Variants in TUSC3 observed in about 807,000 individuals in gnomAD.
TUSC3 encodes the protein tumor suppressor candidate 3.
In TUSC3, 45 loss-of-function variants were observed where a neutral mutation model predicts 44.8. The observed-to-expected ratio is 1.00, with a 90% confidence interval of 0.79 to 1.29. The LOEUF (loss-of-function observed/expected upper bound fraction) is 1.29. TUSC3 is among the 50% of genes most tolerant of loss of function. TUSC3 has a pLI of 0.00. For synonymous variants in TUSC3, 212 were observed against 152.9 expected (o/e 1.39, Z -2.85); for missense variants, 519 against 437.9 (o/e 1.19, Z -1.65).
intron 6 of TUSC3, among the ~76,000 whole-genome samples, chr8:15,717,093 G>A (rs772570015): frequency 1.4e-4 from 21 of 151,988 alleles, no homozygotes; most frequent in African/African-American, 4.3e-4. Flanking sequence ...CTGGACTTAC[G>A]ACTTGAAAAC....
intron 1 of TUSC3, among the ~76,000 whole-genome samples, chr8:15,598,965 G>A (rs946486372): frequency 2.0e-5 from 3 of 151,684 alleles, no homozygotes; most frequent in African/African-American, 7.3e-5. Context: ...CCCAAGGAAT[G>A]CATTTGCTGG....
intron 6 of TUSC3, among the ~76,000 whole-genome samples, chr8:15,688,565 A>G (rs1257815514): frequency 1.3e-5 from 2 of 152,076 alleles, no homozygotes; most frequent in East Asian, 3.9e-4. Flanking sequence ...CCCGATGGGT[A>G]GTTTTATGAT....
chr8:15,504,617 ATATATTTTTT>A (rs1280996741), intron 2 of TUSC3, among the ~76,000 whole-genome samples: 6 of 17,374 alleles, frequency 3.5e-4, no homozygotes, highest in East Asian at 2.3e-3. Context: ...ATATATATAT[ATATATTTTTT>A]TTTTTTTTTT....
At chr8:15,668,201 G>C (rs1585210476) in intron 5 of TUSC3, among the ~76,000 whole-genome samples, 1 of 151,672 alleles carries the variant, frequency 6.6e-6, no homozygotes, top group Admixed American at 6.6e-5. Flanking sequence ...TTGAGTGAGT[G>C]AAAGTTACAT....
chr8:15,495,153 G>A (rs12541551), intron 2 of TUSC3, among the ~76,000 whole-genome samples: 139,184 of 151,016 alleles, frequency 0.92, 63,679 homozygotes, highest in East Asian at 0.98. Flanking sequence ...CCACTCAACC[G>A]CTGATGAGCA....
chr8:15,719,359 T>A (rs1810201206), intron 6 of TUSC3, among the ~76,000 whole-genome samples: 1 of 152,088 alleles, frequency 6.6e-6, no homozygotes, highest in Non-Finnish European at 1.5e-5. Context: ...ATGCCAAAGA[T>A]GTCTCTGTGG....
At chr8:15,562,469 C>T (rs1393638083) in intron 1 of TUSC3, among the ~76,000 whole-genome samples, 2 of 152,034 alleles carry the variant, frequency 1.3e-5, no homozygotes, top group Non-Finnish European at 2.9e-5. Context: ...TAAAAAATTG[C>T]CACAATTTAG....
Position 15,549,527 on chromosome 8 carries a change from A to G in TUSC3, c.138+8959A>G, listed in dbSNP as rs193147018. On this transcript the variant is annotated intron_variant, in intron 1 of 10. Transcript: ENST00000503731. ...CTATAATTGATTGGTAGGTGTTTTC[A>G]TTTTAAAGGCATACCAAATGAAATA... is the stretch of plus-strand genomic sequence containing the variant. Among the ~76,000 whole-genome samples, 248 of 151,736 alleles carry G rather than the reference A, an allele frequency of 1.6e-3. 1 individual carries two copies. The highest frequency in any genetic ancestry group is 2.9e-3 in the Non-Finnish European group (200 of 67,862).
chr8:15,565,507 A>G (rs1414981198), intron 1 of TUSC3, among the ~76,000 whole-genome samples: 2 of 152,116 alleles, frequency 1.3e-5, no homozygotes, highest in Non-Finnish European at 2.9e-5. Flanking sequence ...GCAGACCAAG[A>G]TAGTTGGTGG....
At chr8:15,590,817 G>A (rs1365988858) in intron 1 of TUSC3, among the ~76,000 whole-genome samples, 1 of 151,740 alleles carries the variant, frequency 6.6e-6, no homozygotes, top group African/African-American at 2.4e-5. Context: ...CACAACAGGT[G>A]CACACCACTG....
rs1190146298 is a variant in TUSC3, at chr8:15,659,529, C to T, written c.449C>T (p.Thr150Ile). The T allele has an allele frequency of 1.2e-6, 2 of 1,613,016 alleles. No homozygotes were observed. Among genetic ancestry groups the T allele is most frequent in the South Asian group, 1.1e-5 (1 of 91,070 alleles). The change falls in exon 4 of 11, where the codon ACA becomes ATA. Residue 150 changes from threonine to isoleucine, a missense_variant. By Grantham distance (89) the Thr-to-Ile change is moderately conservative (BLOSUM62 -1). Coordinates refer to ENST00000503731, the MANE Select transcript of TUSC3 (RefSeq NM_006765.4). ...FQQLNMNSAP[T>I]FMHFPPKGRP... ...CAGCTCAACATGAACTCTGCTCCTA[C>T]ATTCATGCATTTTCCTCCAAAAGGC...
At chr8:15,650,869 T>G (rs1264861593) in intron 3 of TUSC3, 55 bp downstream of exon 3, 4 of 1,555,796 alleles carry the variant, frequency 2.6e-6, no homozygotes, top group Non-Finnish European at 3.5e-6. Flanking sequence ...GGTCGATACA[T>G]TTTTGTTTGT....
At chr8:15,632,171 G>A (rs184541545) in intron 2 of TUSC3, among the ~76,000 whole-genome samples, 2 of 152,168 alleles carry the variant, frequency 1.3e-5, no homozygotes, top group African/African-American at 4.8e-5. Context: ...ATCCATTTGA[G>A]GTTCATCTGT....
the TUSC3 span, among the ~76,000 whole-genome samples, chr8:15,815,202 G>T: frequency 6.6e-6 from 1 of 152,100 alleles, no homozygotes; most frequent in Admixed American, 6.6e-5. Flanking sequence ...CTTCAAGGAA[G>T]GTATTGCACG....
At chr8:15,570,456 AT>A in intron 1 of TUSC3, among the ~76,000 whole-genome samples, 1 of 152,152 alleles carries the variant, frequency 6.6e-6, no homozygotes, top group Admixed American at 6.6e-5. Flanking sequence ...GGCCTATGTC[AT>A]TTTTTTCCCT....
chr8:15,438,630 A>G (rs1033157010), intron 1 of TUSC3, among the ~76,000 whole-genome samples: 3 of 152,164 alleles, frequency 2.0e-5, no homozygotes, highest in Non-Finnish European at 4.4e-5. Flanking sequence ...TCTGTAATAC[A>G]CTCAGTAAAT....
At chr8:15,531,827 C>G (rs1329559635) in intron 2 of TUSC3, among the ~76,000 whole-genome samples, 2 of 152,076 alleles carry the variant, frequency 1.3e-5, no homozygotes, top group African/African-American at 2.4e-5. Flanking sequence ...GTGATATTTC[C>G]TAGAGATAAT....
rs545599663 is a variant in TUSC3, at chr8:15,705,664, G to A, written c.799-25002G>A. 5.9e-5 allele frequency among the ~76,000 whole-genome samples: 9 copies of A among 152,120 alleles called. No individual in the cohort carries two copies. In the East Asian group the frequency reaches 7.8e-4, roughly 13 times the overall value. On this transcript the variant is annotated intron_variant, in intron 6 of 10. Coordinates refer to ENST00000503731, the MANE Select transcript of TUSC3 (RefSeq NM_006765.4). ...CATGGCCCTATGTGATAGAGTGGAA[G>A]AAAGAAGGTCTTTGTGCATCTCTTC...
chr8:15,658,624 A>G (rs1256505016), intron 3 of TUSC3, among the ~76,000 whole-genome samples: 1 of 124,596 alleles, frequency 8.0e-6, no homozygotes, highest in African/African-American at 3.1e-5. Context: ...ATTCGTGTAT[A>G]TATACACATA....
Sources: gnomAD v4.1 joint callset for allele counts (sites outside exome capture counted in the v4.1 genomes callset) on GRCh38, gnomAD v4.1.1 for gene constraint, MANE v1.5 for transcripts, NCBI Gene and HGNC (gene_info 2026-07-23, HGNC 2026-07-21) for gene names.